The following NARS2 variants were observed in gnomAD, a reference collection of about 807,000 sequenced individuals.
NARS2 encodes the protein asparaginyl-tRNA synthetase.
In NARS2, 60 loss-of-function variants were observed where a neutral mutation model predicts 62.9. That is an observed-to-expected ratio of 0.95 (90% CI 0.77 to 1.18). NARS2 has a LOEUF of 1.18. Among genes scored for constraint, NARS2 ranks in the 50% most tolerant of loss-of-function variants. The pLI is 0.00. For synonymous variants in NARS2, 196 were observed against 200.0 expected, an observed-to-expected ratio of 0.98 and a Z score of 0.17; for missense variants, 619 against 576.4, an observed-to-expected ratio of 1.07 and a Z score of -0.76.
intron 6 of NARS2, among the ~76,000 whole-genome samples, chr11:78,507,116 C>G (rs1269500115): frequency 6.6e-6 from 1 of 152,022 alleles, no homozygotes; most frequent in African/African-American, 2.4e-5. Context: ...CACAGAGATA[C>G]AGAGAGGCAG....
Position 78,571,356 on chromosome 11 carries a change from GCAA to G in NARS2, c.227_229del (p.Val76del), listed in dbSNP as rs1262564997. The G allele has an allele frequency of 6.2e-7, 1 of 1,612,858 alleles. No homozygotes were observed. Among genetic ancestry groups the G allele is most frequent in the Admixed American group, 1.7e-5 (1 of 59,968 alleles). On this transcript the variant is annotated inframe_deletion, in exon 2 of 14. Transcript: ENST00000281038. Reference sequence around the variant, plus strand: ...TCACCTACTGTCAAGGCCTGAATCTGCAACAACCTGAAGGCTTTCCAAAGATGA... The same window carrying G: ...TCACCTACTGTCAAGGCCTGAATCTGCAACCTGAAGGCTTTCCAAAGATGA...
chr11:78,486,867 C>T (rs1217714522), intron 7 of NARS2, among the ~76,000 whole-genome samples: 1 of 151,708 alleles, frequency 6.6e-6, no homozygotes, highest in African/African-American at 2.4e-5. Context: ...GGGAAACATT[C>T]TTAAAGAGAA....
At chr11:78,559,430 C>T in intron 5 of NARS2, 109 bp downstream of exon 5, 1 of 670,320 alleles carries the variant, frequency 1.5e-6, no homozygotes, top group Non-Finnish European at 2.6e-6. Flanking sequence ...TTGACAATTT[C>T]AGGTGCTGCT....
At chr11:78,548,219 A>C (rs1855952933) in intron 5 of NARS2, among the ~76,000 whole-genome samples, 1 of 152,216 alleles carries the variant, frequency 6.6e-6, no homozygotes, top group African/African-American at 2.4e-5. Context: ...TGTGACTCAA[A>C]AACAAAAAAT....
chr11:78,460,278 T>C (rs945922388), intron 11 of NARS2, among the ~76,000 whole-genome samples: 3 of 151,580 alleles, frequency 2.0e-5, no homozygotes, highest in Non-Finnish European at 2.9e-5. Context: ...TTAATTTTTT[T>C]TTTTTTTTAA....
At chr11:78,505,730 G>A (rs1860468962) in intron 6 of NARS2, among the ~76,000 whole-genome samples, 1 of 152,114 alleles carries the variant, frequency 6.6e-6, no homozygotes, top group African/African-American at 2.4e-5. Context: ...TTATAGACTA[G>A]CAGGGTCTTC....
At chr11:78,475,737 C>T (rs1348567934) in intron 9 of NARS2, among the ~76,000 whole-genome samples, 4 of 151,846 alleles carry the variant, frequency 2.6e-5, no homozygotes, top group South Asian at 4.2e-4. Context: ...GCTGGCACTA[C>T]AGGCACATGT....
chr11:78,558,954 C>T (rs10793331), intron 5 of NARS2, among the ~76,000 whole-genome samples: 102,829 of 152,012 alleles, frequency 0.68, 36,852 homozygotes, highest in Non-Finnish European at 0.81. Context: ...CTCTTCAAAT[C>T]TCTCTAGTTC....
rs1397281927 is a variant in NARS2, at chr11:78,518,548, C to T, written c.689+10294G>A. Among the ~76,000 whole-genome samples the T allele has an allele frequency of 5.3e-5, 8 of 151,588 alleles. No homozygotes were observed. The East Asian group carries it at 7.7e-4, about 15-fold the overall frequency. ...CTTTTTTTTTTTTGACACGGAGTCT[C>T]GCACTTTCACCCAGGCCAGAGTGCA... On this transcript the variant is annotated intron_variant, in intron 6 of 13. Coordinates refer to ENST00000281038, the MANE Select transcript of NARS2 (RefSeq NM_024678.6).
At chr11:78,444,350 T>G (rs1857678727) in intron 11 of NARS2, among the ~76,000 whole-genome samples, 1 of 152,110 alleles carries the variant, frequency 6.6e-6, no homozygotes, top group South Asian at 2.1e-4. Flanking sequence ...TTAGGACATA[T>G]AAAATAAATT....
chr11:78,481,697 C>T (rs575367701), intron 7 of NARS2, among the ~76,000 whole-genome samples: 20 of 152,258 alleles, frequency 1.3e-4, no homozygotes, highest in African/African-American at 4.3e-4. Context: ...GTTAGTTGTA[C>T]TATAACAGCA....
intron 13 of NARS2, among the ~76,000 whole-genome samples, chr11:78,438,849 C>T (rs1475553759): frequency 1.3e-5 from 2 of 152,130 alleles, no homozygotes; most frequent in Non-Finnish European, 2.9e-5. Context: ...ATGAAGATGT[C>T]TAAGGTCTCT....
intron 6 of NARS2, among the ~76,000 whole-genome samples, chr11:78,496,132 CAG>C (rs1432528738): frequency 2.0e-5 from 3 of 146,610 alleles, no homozygotes; most frequent in African/African-American, 8.2e-5. Context: ...TCTAAAGTAA[CAG>C]AGTGATAAAA....
chr11:78,436,522 C>A lies in NARS2; in HGVS notation c.*148G>T. ...CTCAACTTTCTAAGAAAATCACAACCACTTATATTTTTTCTATGATATCTT... is the reference window on the plus strand; with the variant it reads ...CTCAACTTTCTAAGAAAATCACAACAACTTATATTTTTTCTATGATATCTT... On this transcript the variant is annotated 3_prime_UTR_variant, in exon 14 of 14. Coordinates refer to ENST00000281038, the MANE Select transcript of NARS2 (RefSeq NM_024678.6). 2.0e-6 allele frequency: 2 copies of A among 980,584 alleles called. No individual in the cohort carries two copies. The highest frequency in any genetic ancestry group is 5.2e-5 in the Admixed American group (2 of 38,598). 60.7% of individuals were successfully genotyped at this position (980,584 alleles called of 1,614,324 possible). A position where few individuals can be genotyped will look rare whatever the true frequency, so the allele number is the denominator to read the frequency against.
At chr11:78,451,509 T>C (rs1000453530) in intron 11 of NARS2, among the ~76,000 whole-genome samples, 6 of 152,136 alleles carry the variant, frequency 3.9e-5, no homozygotes, top group African/African-American at 1.2e-4. Context: ...TGCAGGCAGG[T>C]TGGAAACAAG....
intron 6 of NARS2, among the ~76,000 whole-genome samples, chr11:78,495,907 C>T (rs942083197): frequency 3.9e-5 from 6 of 152,124 alleles, no homozygotes; most frequent in Admixed American, 2.6e-4. Context: ...ACTTATGGAG[C>T]ACAGGATGCT....
chr11:78,479,068 ACTTAG>A (rs1280382236), intron 7 of NARS2, among the ~76,000 whole-genome samples: 1 of 152,166 alleles, frequency 6.6e-6, no homozygotes, highest in Non-Finnish European at 1.5e-5. Context: ...CATGTGTCAC[ACTTAG>A]CTTAGTACTG....
chr11:78,499,804 T>C (rs1860215823), intron 6 of NARS2, among the ~76,000 whole-genome samples: 1 of 152,222 alleles, frequency 6.6e-6, no homozygotes, highest in East Asian at 1.9e-4. Flanking sequence ...ACTGACTGGA[T>C]ATGGGGGCTT....
intron 6 of NARS2, among the ~76,000 whole-genome samples, chr11:78,506,486 C>G (rs1314871722): frequency 1.3e-5 from 2 of 152,268 alleles, no homozygotes; most frequent in East Asian, 3.9e-4. Context: ...AAGAAACCAC[C>G]AGGAATCTGT....
Sources: allele counts gnomAD v4.1 joint callset (sites outside exome capture counted in the v4.1 genomes callset), GRCh38; gene constraint gnomAD v4.1.1; transcripts MANE v1.5; gene names NCBI Gene and HGNC (gene_info 2026-07-23, HGNC 2026-07-21).